Variants in NUP210L observed in about 807,000 individuals in gnomAD.
The protein encoded by NUP210L is nucleoporin 210 like.
Under a neutral mutation model 208.5 loss-of-function variants are expected in NUP210L, and 74 were observed. The observed-to-expected ratio is 0.35, with a 90% CI of 0.29 to 0.43. NUP210L has a LOEUF of 0.43. NUP210L is among the 20% of genes least tolerant of loss of function. The pLI is 1.00. For synonymous variants in NUP210L, 780 were observed against 816.9 expected, an observed-to-expected ratio of 0.95 and a Z score of 0.77; for missense variants, 1,843 against 2,289.4, an observed-to-expected ratio of 0.81 and a Z score of 3.98.
chr1:154,113,687 G>A (rs564162988), intron 12 of NUP210L, among the ~76,000 whole-genome samples: 3 of 151,508 alleles, frequency 2.0e-5, no homozygotes, highest in East Asian at 3.9e-4. Context: ...GTGAAACCCC[G>A]TCTCTACTAA....
chr1:154,080,494 C>A (rs2148029265), intron 16 of NUP210L, among the ~76,000 whole-genome samples: 1 of 151,826 alleles, frequency 6.6e-6, no homozygotes, highest in Admixed American at 6.6e-5. Flanking sequence ...CCAGCCTGAC[C>A]AATATGATGA....
chr1:154,092,690 A>AGTTATTC (rs1249896713), intron 15 of NUP210L, among the ~76,000 whole-genome samples: 1 of 149,856 alleles, frequency 6.7e-6, no homozygotes, highest in Non-Finnish European at 1.5e-5. Flanking sequence ...CCCAGCCAAG[A>AGTTATTC]GTTATTCTTT....
intron 5 of NUP210L, 114 bp downstream of exon 5, chr1:154,139,688 A>AAC: frequency 9.7e-6 from 4 of 411,648 alleles, no homozygotes; most frequent in African/African-American, 6.7e-5. Flanking sequence ...ACAAACAAAC[A>AAC]AAAAAAAAAA....
At chr1:154,079,309 G>C (rs1270263888) in intron 16 of NUP210L, 7 of 151,212 alleles carry the variant, frequency 4.6e-5, no homozygotes, top group African/African-American at 1.7e-4. Flanking sequence ...ATTTTTTTTT[G>C]AGAGGGGTCT....
chr1:154,044,407 CAAA>C (rs577871170), intron 27 of NUP210L, among the ~76,000 whole-genome samples: 1 of 131,972 alleles, frequency 7.6e-6, no homozygotes. Context: ...AACTCTGTCT[CAAA>C]AAAAAAAAAA....
At chr1:154,103,978 C>A in intron 13 of NUP210L, 34 bp downstream of exon 13, 1 of 1,508,706 alleles carries the variant, frequency 6.6e-7, no homozygotes, top group Non-Finnish European at 9.1e-7. Flanking sequence ...TAAATAAAGA[C>A]AAAGGAAGGA....
intron 12 of NUP210L, chr1:154,104,484 A>G: frequency 2.7e-6 from 1 of 372,960 alleles, no homozygotes; most frequent in Non-Finnish European, 5.0e-6. Flanking sequence ...TTCCTTTCCC[A>G]GGCAGTGGCA....
intron 7 of NUP210L, among the ~76,000 whole-genome samples, chr1:154,129,644 A>C (rs1192473942): frequency 6.6e-6 from 1 of 152,210 alleles, no homozygotes; most frequent in Non-Finnish European, 1.5e-5. Flanking sequence ...CCTTTCTCCA[A>C]ATAAATACCT....
At chr1:154,068,474 GATCAAGACC>G (rs1654526532) in intron 17 of NUP210L, among the ~76,000 whole-genome samples, 1 of 152,174 alleles carries the variant, frequency 6.6e-6, no homozygotes, top group Non-Finnish European at 1.5e-5. Context: ...GAGGTCAGGA[GATCAAGACC>G]ATCCTGGCTA....
chr1:154,150,703 G>A (rs1226623035), intron 2 of NUP210L, among the ~76,000 whole-genome samples: 1 of 143,574 alleles, frequency 7.0e-6, no homozygotes, highest in Non-Finnish European at 1.5e-5. Flanking sequence ...ACTCCAGCCT[G>A]GATAACACAG....
At chr1:154,012,850 C>A (rs974359808) in intron 33 of NUP210L, among the ~76,000 whole-genome samples, 4 of 149,504 alleles carry the variant, frequency 2.7e-5, no homozygotes, top group Non-Finnish European at 5.9e-5. Context: ...CTAAAAAAAA[C>A]ACAAAATTAG....
rs762125778 is a variant in NUP210L at position 154,152,880 on chromosome 1, A to C, written c.204-8T>G. 2 of 1,613,776 alleles carry C rather than the reference A, an allele frequency of 1.2e-6. No homozygotes were observed. The highest frequency in any genetic ancestry group is 2.2e-5 in the East Asian group (1 of 44,864). ...TCATGATGGGTGGAATGCCTGCCAGAACAAAATTCTTAAGAGTGTGAAATA... is the reference window on the plus strand; with the variant it reads ...TCATGATGGGTGGAATGCCTGCCAGCACAAAATTCTTAAGAGTGTGAAATA... On this transcript the variant is annotated splice_polypyrimidine_tract_variant and splice_region_variant and intron_variant, in intron 1 of 39. Coordinates refer to ENST00000368559, the Ensembl canonical transcript of NUP210L.
intron 12 of NUP210L, among the ~76,000 whole-genome samples, chr1:154,113,663 G>T (rs908707127): frequency 3.3e-5 from 5 of 151,532 alleles, no homozygotes; most frequent in Non-Finnish European, 5.9e-5. Flanking sequence ...TTCAACACCA[G>T]CCTGGCCAAT....
intron 15 of NUP210L, among the ~76,000 whole-genome samples, chr1:154,090,214 G>GAA (rs1655833999): frequency 6.8e-6 from 1 of 146,464 alleles, no homozygotes; most frequent in South Asian, 2.1e-4. Flanking sequence ...CCCTGTCTCA[G>GAA]GAAAAAAAAA....
At chr1:154,016,717 G>A (rs1211586957) in intron 33 of NUP210L, among the ~76,000 whole-genome samples, 1 of 152,178 alleles carries the variant, frequency 6.6e-6, no homozygotes, top group Non-Finnish European at 1.5e-5. Context: ...GCCGAGGCAG[G>A]CCTATCACTT....
rs770217261 is a variant in NUP210L, at chr1:154,149,087, C to CTTTTTTTTTTTTTTTTTTTT, written c.340+3648_340+3649insAAAAAAAAAAAAAAAAAAAA. 6.4e-4 allele frequency among the ~76,000 whole-genome samples: 76 copies of CTTTTTTTTTTTTTTTTTTTT among 119,298 alleles called. 3 individuals carry two copies. The highest frequency in any genetic ancestry group is 1.8e-3 in the South Asian group (6 of 3,422). 78.3% of individuals were successfully genotyped at this position (119,298 alleles called of 152,430 possible). On this transcript the variant is annotated intron_variant, in intron 2 of 39. Transcript: ENST00000368559. ...ACTACTTCAACAGCAGAAAACTTCT[C>CTTTTTTTTTTTTTTTTTTTT]TTTTTTTTTTTTCCTGAGAAGGAGT...
intron 27 of NUP210L, among the ~76,000 whole-genome samples, chr1:154,035,995 A>T (rs1462932457): frequency 6.7e-6 from 1 of 149,988 alleles, no homozygotes; most frequent in African/African-American, 2.5e-5. Context: ...GGCCTCCCAA[A>T]GTGCTGGGAT....
At chr1:153,997,929 C>G (rs1649991221) in intron 37 of NUP210L, among the ~76,000 whole-genome samples, 1 of 151,598 alleles carries the variant, frequency 6.6e-6, no homozygotes, top group East Asian at 2.0e-4. Context: ...AGGCTGGTCT[C>G]AAACTCCTGA....
At chr1:154,089,640 G>A in intron 15 of NUP210L, 46 bp from the exon 16 acceptor site, 2 of 1,465,476 alleles carry the variant, frequency 1.4e-6, no homozygotes, top group East Asian at 2.3e-5. Context: ...GTAGATACTT[G>A]ATGTCAGTCA....
Sources: allele counts gnomAD v4.1 joint callset (sites outside exome capture counted in the v4.1 genomes callset), GRCh38; gene constraint gnomAD v4.1.1; transcripts MANE v1.5; gene names NCBI Gene and HGNC (gene_info 2026-07-23, HGNC 2026-07-21).